CDH2: variants seen among roughly 807,000 people sequenced by gnomAD.
The protein encoded by CDH2 is cadherin 2, also known as cadherin-2.
In CDH2, 17 loss-of-function variants were observed where a neutral mutation model predicts 92.0. That is an observed-to-expected ratio of 0.18 (90% CI 0.13 to 0.28). CDH2 has a LOEUF of 0.28. Ranked by LOEUF, CDH2 falls within the 10% of genes least tolerant of loss-of-function variation. The probability of loss-of-function intolerance (pLI) is 1.00; values close to 1 mark genes in which losing one functional copy is unlikely to be tolerated. For missense variants in CDH2, 862 were observed against 1,133.1 expected (o/e 0.76, Z 3.44); for synonymous variants, 419 against 415.9 (o/e 1.01, Z -0.09).
At chr18:27,974,097 G>A (rs2011745744) in intron 14 of CDH2, among the ~76,000 whole-genome samples, 1 of 152,160 alleles carries the variant, frequency 6.6e-6, no homozygotes, top group Non-Finnish European at 1.5e-5. Flanking sequence ...ATATTTGTGT[G>A]GCTACTTCTC....
intron 2 of CDH2, among the ~76,000 whole-genome samples, chr18:28,120,774 ACACT>A (rs1276967208): frequency 2.0e-5 from 3 of 152,236 alleles, no homozygotes; most frequent in African/African-American, 7.2e-5. Flanking sequence ...TATTGAAGAA[ACACT>A]CAGTCACAAC....
Position 27,984,297 on chromosome 18 carries a change from A to G in CDH2, c.2209+703T>C, listed in dbSNP as rs534260074. ...GTCCTGCTGCTATTCACAATAAAAC[A>G]CAGGGCCCAGGCAATTTATTCTTTT... On this transcript the variant is annotated intron_variant, in intron 13 of 15. Coordinates refer to ENST00000269141, the MANE Select transcript of CDH2 (RefSeq NM_001792.5). Among the ~76,000 whole-genome samples the G allele has an allele frequency of 4.6e-5, 7 of 152,326 alleles. No homozygotes were observed. The South Asian group carries it at 1.5e-3, about 32-fold the overall frequency.
At chr18:27,974,103 TTCTC>T (rs1463532857) in intron 14 of CDH2, among the ~76,000 whole-genome samples, 11 of 152,210 alleles carry the variant, frequency 7.2e-5, no homozygotes, top group South Asian at 2.1e-4. Flanking sequence ...GTGTGGCTAC[TTCTC>T]TCTCTCTTTT....
At chr18:27,999,898 T>C (rs947385756) in intron 7 of CDH2, among the ~76,000 whole-genome samples, 1 of 151,896 alleles carries the variant, frequency 6.6e-6, no homozygotes, top group Non-Finnish European at 1.5e-5. Flanking sequence ...CTCATGATAA[T>C]GCATGAGTCT....
chr18:28,099,964 G>C (rs2015200144), intron 2 of CDH2, among the ~76,000 whole-genome samples: 1 of 151,948 alleles, frequency 6.6e-6, no homozygotes, highest in African/African-American at 2.4e-5. Flanking sequence ...TTTTATCTAT[G>C]ATATGAAAAC....
chr18:27,981,423 C>T (rs2012049921), intron 14 of CDH2, among the ~76,000 whole-genome samples: 1 of 152,146 alleles, frequency 6.6e-6, no homozygotes, highest in African/African-American at 2.4e-5. Flanking sequence ...TTTAATTAGG[C>T]AGTATTCAAA....
At chr18:28,072,334 C>G (rs1366473627) in intron 2 of CDH2, among the ~76,000 whole-genome samples, 1 of 152,178 alleles carries the variant, frequency 6.6e-6, no homozygotes, top group Admixed American at 6.5e-5. Context: ...AGCTTCTAAG[C>G]AGTGCTGTGC....
At chr18:28,050,801 T>C (rs1294688645) in intron 2 of CDH2, among the ~76,000 whole-genome samples, 1 of 152,178 alleles carries the variant, frequency 6.6e-6, no homozygotes, top group African/African-American at 2.4e-5. Flanking sequence ...AGCTCTCTTC[T>C]TGCACAGGAG....
chr18:28,105,881 T>A (rs1451931885), intron 2 of CDH2, among the ~76,000 whole-genome samples: 1 of 152,170 alleles, frequency 6.6e-6, no homozygotes, highest in Non-Finnish European at 1.5e-5. Context: ...ATGACTTAAT[T>A]TACCAGACAA....
At chr18:28,131,676 C>G (rs1445855096) in intron 2 of CDH2, among the ~76,000 whole-genome samples, 1 of 80,468 alleles carries the variant, frequency 1.2e-5, no homozygotes, top group African/African-American at 4.5e-5. Context: ...GTTCAAAAAG[C>G]ATTTGTGGTG....
chr18:28,102,659 T>C (rs1312798467), intron 2 of CDH2, among the ~76,000 whole-genome samples: 1 of 152,112 alleles, frequency 6.6e-6, no homozygotes, highest in Non-Finnish European at 1.5e-5. Context: ...TTAATGTAAA[T>C]TAAATATACA....
intron 2 of CDH2, among the ~76,000 whole-genome samples, chr18:28,087,361 G>A (rs2144204010): frequency 6.6e-6 from 1 of 152,274 alleles, no homozygotes; most frequent in Non-Finnish European, 1.5e-5. Flanking sequence ...AAAAGCACAT[G>A]TTCTAACGGG....
intron 15 of CDH2, among the ~76,000 whole-genome samples, 184 bp from the exon 16 acceptor site, chr18:27,952,543 A>C (rs1479519803): frequency 6.6e-6 from 1 of 152,186 alleles, no homozygotes; most frequent in South Asian, 2.1e-4. Context: ...ACAAAAATTA[A>C]CTTATATCTT....
intron 2 of CDH2, among the ~76,000 whole-genome samples, chr18:28,142,671 C>T (rs1385277119): frequency 1.3e-5 from 2 of 151,908 alleles, no homozygotes; most frequent in African/African-American, 4.8e-5. Flanking sequence ...TCCAAGAGAA[C>T]AATCTCTGTC....
downstream of CDH2, among the ~76,000 whole-genome samples, chr18:27,948,497 G>A (rs1271163596): frequency 1.3e-5 from 2 of 150,818 alleles, no homozygotes; most frequent in Non-Finnish European, 3.0e-5. Flanking sequence ...CAAACATAGT[G>A]AGAACCACAT....
At chr18:28,071,905 C>T (rs937884081) in intron 2 of CDH2, among the ~76,000 whole-genome samples, 7 of 152,028 alleles carry the variant, frequency 4.6e-5, no homozygotes, top group African/African-American at 9.7e-5. Context: ...GAGGTTTATG[C>T]GACTTTTAAT....
intron 2 of CDH2, among the ~76,000 whole-genome samples, chr18:28,069,862 C>T (rs568854860): frequency 6.6e-6 from 1 of 152,244 alleles, no homozygotes; most frequent in African/African-American, 2.4e-5. Flanking sequence ...CCATCAGAAA[C>T]TCCCCTCAAG....
At position 27,943,954 on chromosome 18, in the gene CDH2, C is replaced by T. The variant is rs187091726; in HGVS notation, c.1152-10830G>A. 2.6e-3 allele frequency among the ~76,000 whole-genome samples: 392 copies of T among 152,108 alleles called. 3 individuals are homozygous for T. Among genetic ancestry groups the T allele is most frequent in the African/African-American group, 7.7e-3 (320 of 41,488 alleles). ...CTGTGGGACAAAAGGAAAACATTTC[C>T]GTCAGTCTGTGGTGGTTGATGCTTT... On this transcript the variant is annotated intron_variant, in intron 6 of 6. Transcript: ENST00000675173.
At chr18:27,984,555 C>T (rs2012162567) in intron 13 of CDH2, among the ~76,000 whole-genome samples, 1 of 152,154 alleles carries the variant, frequency 6.6e-6, no homozygotes, top group Non-Finnish European at 1.5e-5. Context: ...ATACCTTGAT[C>T]CTCGCATGAC....
Sources: allele counts gnomAD v4.1 joint callset (sites outside exome capture counted in the v4.1 genomes callset), GRCh38; gene constraint gnomAD v4.1.1; transcripts MANE v1.5; gene names NCBI Gene and HGNC (gene_info 2026-07-23, HGNC 2026-07-21).